Variants in FHOD3 observed in about 807,000 individuals in gnomAD.
The protein encoded by FHOD3 is FH1/FH2 domain-containing protein 3.
Under a neutral mutation model 173.0 loss-of-function variants are expected in FHOD3, and 90 were observed. The observed-to-expected ratio is 0.52, with a 90% CI of 0.44 to 0.62. The LOEUF is 0.62. FHOD3 is among the 20% of genes least tolerant of loss of function. FHOD3 has a pLI of 0.00. For missense variants in FHOD3, 1,945 were observed against 2,034.7 expected, an observed-to-expected ratio of 0.96 and a Z score of 0.85; for synonymous variants, 828 against 823.0, an observed-to-expected ratio of 1.01 and a Z score of -0.10.
At chr18:36,495,418 T>C (rs981530117) in intron 3 of FHOD3, among the ~76,000 whole-genome samples, 1 of 152,092 alleles carries the variant, frequency 6.6e-6, no homozygotes, top group South Asian at 2.1e-4. Flanking sequence ...CTCACTAACA[T>C]GTGTTCATGG....
chr18:36,577,457 C>A lies in FHOD3; in HGVS notation c.606+912C>A, dbSNP rs75730984. ...GTGGGATTAAAGGCATGACCCACCA[C>A]CCTGGGCTAATTTTTGTATTTTTAA... On this transcript the variant is annotated intron_variant, in intron 6 of 28. Transcript: ENST00000590592. 1.6e-3 allele frequency among the ~76,000 whole-genome samples: 245 copies of A among 152,222 alleles called. 5 individuals are homozygous for A. In the East Asian group the frequency reaches 0.037, roughly 23 times the overall value.
chr18:36,606,326 C>A (rs2032064295), intron 8 of FHOD3, among the ~76,000 whole-genome samples: 1 of 151,864 alleles, frequency 6.6e-6, no homozygotes, highest in African/African-American at 2.4e-5. Context: ...CTTGTGAGGA[C>A]CTTTTTGCCA....
At chr18:36,302,897 G>A (rs1056650973) in intron 1 of FHOD3, among the ~76,000 whole-genome samples, 1 of 152,184 alleles carries the variant, frequency 6.6e-6, no homozygotes, top group Non-Finnish European at 1.5e-5. Flanking sequence ...TCAGTTGGTT[G>A]GAGCCTTGCT....
intron 18 of FHOD3, chr18:36,710,260 A>G (rs1037123200): frequency 6.6e-6 from 1 of 152,228 alleles, no homozygotes; most frequent in African/African-American, 2.4e-5. Context: ...TCAAGGTGGT[A>G]GAATGCCTCC....
intron 9 of FHOD3, 127 bp downstream of exon 9, chr18:36,612,222 T>A: frequency 9.9e-7 from 1 of 1,011,196 alleles, no homozygotes; most frequent in Non-Finnish European, 1.4e-6. Flanking sequence ...CTCAGCATCG[T>A]AGGCTTCACC....
chr18:36,543,957 G>A (rs1367282913), intron 5 of FHOD3, among the ~76,000 whole-genome samples: 1 of 152,232 alleles, frequency 6.6e-6, no homozygotes, highest in Non-Finnish European at 1.5e-5. Flanking sequence ...GAGTGGGGCA[G>A]ACAGTAGAGA....
In FHOD3 at chr18:36,444,508, C is replaced by T. The variant is rs1316503389; in HGVS notation, c.338-57424C>T. ...AGAGAAGTGTGAATTACTCCTCACCCCACTATCCTGTTCTCATTCCCCGCT... is the reference window on the plus strand; with the variant it reads ...AGAGAAGTGTGAATTACTCCTCACCTCACTATCCTGTTCTCATTCCCCGCT... On this transcript the variant is annotated intron_variant, in intron 3 of 28. Transcript: ENST00000590592. Among the ~76,000 whole-genome samples the T allele has an allele frequency of 2.0e-5, 3 of 152,254 alleles. No homozygotes were observed. In the East Asian group the frequency reaches 5.8e-4, roughly 29 times the overall value.
intron 4 of FHOD3, among the ~76,000 whole-genome samples, chr18:36,506,780 A>C (rs2055325095): frequency 6.6e-6 from 1 of 151,352 alleles, no homozygotes; most frequent in Admixed American, 6.6e-5. Flanking sequence ...AAACAGAACA[A>C]GAAATCATAT....
intron 3 of FHOD3, among the ~76,000 whole-genome samples, chr18:36,391,722 C>T (rs1290844128): frequency 2.0e-5 from 3 of 152,100 alleles, no homozygotes; most frequent in Non-Finnish European, 4.4e-5. Context: ...GGTTGGTCAT[C>T]GTGTGCACAC....
At chr18:36,639,337 C>T (rs537006620) in intron 10 of FHOD3, among the ~76,000 whole-genome samples, 4 of 151,954 alleles carry the variant, frequency 2.6e-5, no homozygotes, top group South Asian at 2.1e-4. Context: ...GTCAGGAGAT[C>T]GAGACCATCC....
intron 3 of FHOD3, among the ~76,000 whole-genome samples, chr18:36,494,731 GA>G (rs1410303572): frequency 6.6e-6 from 1 of 152,250 alleles, no homozygotes; most frequent in East Asian, 1.9e-4. Flanking sequence ...GTGCTGGGGG[GA>G]CCTCTTTGCA....
intron 1 of FHOD3, among the ~76,000 whole-genome samples, chr18:36,335,659 T>A (rs2045271213): frequency 6.6e-6 from 1 of 152,116 alleles, no homozygotes; most frequent in Non-Finnish European, 1.5e-5. Flanking sequence ...GTCATAAGCT[T>A]CTAGACCTGT....
intron 1 of FHOD3, among the ~76,000 whole-genome samples, chr18:36,333,611 T>C (rs189670071): frequency 1.3e-5 from 2 of 152,318 alleles, no homozygotes; most frequent in East Asian, 3.9e-4. Flanking sequence ...GGGGTGTGGG[T>C]GGAGCAGAGT....
rs1414351601 is a variant in FHOD3 at position 36,780,105 on chromosome 18, C to G, written c.*575C>G. 1 of 1,229,664 alleles carries G rather than the reference C, an allele frequency of 8.1e-7. No individual in the cohort carries two copies. Among genetic ancestry groups the G allele is most frequent in the African/African-American group, 1.6e-5 (1 of 64,330 alleles). 76.2% of individuals were successfully genotyped at this position (1,229,664 alleles called of 1,614,324 possible). Reference sequence around the variant, plus strand: ...GGGAACAGGACCTTAAACAGTTCCACAGGCTCGCCTCTTCAGAATGGCAAA... The same window carrying G: ...GGGAACAGGACCTTAAACAGTTCCAGAGGCTCGCCTCTTCAGAATGGCAAA... On this transcript the variant is annotated 3_prime_UTR_variant, in exon 29 of 29. Coordinates refer to ENST00000590592, the MANE Select transcript of FHOD3 (RefSeq NM_001281740.3).
At chr18:36,745,968 A>G (rs2042139819) in intron 23 of FHOD3, among the ~76,000 whole-genome samples, 1 of 151,684 alleles carries the variant, frequency 6.6e-6, no homozygotes, top group Non-Finnish European at 1.5e-5. Context: ...TCCTTTCAGC[A>G]CACCCACTTA....
chr18:36,746,268 G>A (rs1425657324), intron 23 of FHOD3, among the ~76,000 whole-genome samples: 8 of 152,168 alleles, frequency 5.3e-5, no homozygotes, highest in South Asian at 2.1e-4. Flanking sequence ...GCACACACAC[G>A]AGCCTGGTGG....
At chr18:36,745,823 G>A (rs1378845565) in intron 23 of FHOD3, among the ~76,000 whole-genome samples, 3 of 119,712 alleles carry the variant, frequency 2.5e-5, no homozygotes, top group South Asian at 2.8e-4. Context: ...GCTGACCCCC[G>A]TGTACCTCCC....
At chr18:36,476,473 G>A (rs2145312479) in intron 3 of FHOD3, among the ~76,000 whole-genome samples, 1 of 152,318 alleles carries the variant, frequency 6.6e-6, no homozygotes, top group South Asian at 2.1e-4. Flanking sequence ...GAGTGAAAGA[G>A]TGAGCTGGGA....
At position 36,464,635 on chromosome 18, in the gene FHOD3, G is replaced by A. The variant is rs372364209; in HGVS notation, c.338-37297G>A. 2.6e-5 allele frequency among the ~76,000 whole-genome samples: 4 copies of A among 152,268 alleles called. No individual in the cohort carries two copies. The South Asian group carries it at 8.3e-4, about 32-fold the overall frequency. Reference sequence around the variant, plus strand: ...ATGTGATAACTTACAGAAGGGGAAAGGATCTGTGTGCAAGTGGAGAAAGAG... The same window carrying A: ...ATGTGATAACTTACAGAAGGGGAAAAGATCTGTGTGCAAGTGGAGAAAGAG... On this transcript the variant is annotated intron_variant, in intron 3 of 28. Transcript: ENST00000590592.
Sources: gnomAD v4.1 joint callset for allele counts (sites outside exome capture counted in the v4.1 genomes callset) on GRCh38, gnomAD v4.1.1 for gene constraint, MANE v1.5 for transcripts, NCBI Gene and HGNC (gene_info 2026-07-23, HGNC 2026-07-21) for gene names.